The following TP53I13 variants were observed in gnomAD, a reference collection of about 807,000 sequenced individuals.
TP53I13 encodes tumor protein p53-inducible protein 13.
Under a neutral mutation model 39.1 loss-of-function variants are expected in TP53I13, and 27 were observed. The observed-to-expected ratio is 0.69, with a 90% CI of 0.51 to 0.95. TP53I13 has a LOEUF of 0.95. Ranked by LOEUF, TP53I13 falls within the 40% of genes least tolerant of loss-of-function variation. The probability of loss-of-function intolerance (pLI) is 0.00; values close to 1 mark genes in which losing one functional copy is unlikely to be tolerated. For synonymous variants in TP53I13, 230 were observed against 224.6 expected (o/e 1.02, Z -0.22); for missense variants, 544 against 520.4 (o/e 1.05, Z -0.44).
downstream of TP53I13, chr17:29,576,887 G>A (rs775458725): frequency 8.9e-6 from 14 of 1,574,986 alleles, no homozygotes; most frequent in South Asian, 4.6e-5. Flanking sequence ...TCCGAGTGGC[G>A]CCGGTGCTGC....
chr17:29,578,336 G>T, the TP53I13 span: 1 of 1,614,116 alleles, frequency 6.2e-7, no homozygotes, highest in South Asian at 1.1e-5. Context: ...CGTCATACAC[G>T]TCCATGGCGA....
At position 29,572,175 on chromosome 17, in the gene TP53I13, C is replaced by T. The variant is rs200357604; in HGVS notation, c.547C>T (p.Arg183Trp). 1.0e-4 allele frequency: 166 copies of T among 1,607,746 alleles called. No individual in the cohort carries two copies. Among genetic ancestry groups the T allele is most frequent in the Admixed American group, 2.3e-4 (14 of 59,868 alleles). Residue 183 changes from arginine (R) to tryptophan (W), a missense_variant, in exon 6 of 7, where the codon CGG becomes TGG. Transcript: ENST00000301057. ...LALAFALRSW[R>W]PPGTEVTSQG... ...TCTGGCCTTTGCTCTGCGGAGCTGG[C>T]GGCCCCCTGGCACAGAGGTGACATC...
chr17:29,575,837 C>G, downstream of TP53I13: 1 of 1,612,662 alleles, frequency 6.2e-7, no homozygotes, highest in Non-Finnish European at 8.5e-7. This position sits in a 1 kb window ranked among gnomAD's most constrained non-coding sequence, Gnocchi z 5.5. Flanking sequence ...CTCCTGGGAG[C>G]AGGACAGCAG....
downstream of TP53I13, chr17:29,577,851 CT>C (rs1296169060): frequency 1.4e-6 from 1 of 720,812 alleles, no homozygotes; most frequent in African/African-American, 1.7e-5. Context: ...CTACTGAGCA[CT>C]GGTGTTCAGA....
intron 2 of TP53I13, 43 bp downstream of exon 2, chr17:29,569,129 C>T (rs766409586): frequency 1.3e-6 from 2 of 1,553,504 alleles, no homozygotes; most frequent in East Asian, 2.4e-5. Flanking sequence ...ATGTGAAAGG[C>T]TAGCCCAGTC....
chr17:29,566,976 G>A (rs1232598490), upstream of TP53I13: 3 of 1,335,130 alleles, frequency 2.2e-6, no homozygotes, highest in African/African-American at 1.5e-5. Flanking sequence ...TGGCGAAGCT[G>A]GAGAGCCCCG....
chr17:29,571,547 G>A, intron 3 of TP53I13, 44 bp from the exon 4 acceptor site: 3 of 1,608,016 alleles, frequency 1.9e-6, no homozygotes, highest in Non-Finnish European at 2.5e-6. Flanking sequence ...GATTCTCTGG[G>A]AGGGCTCTGG....
downstream of TP53I13, chr17:29,574,346 G>A (rs1278776932): frequency 6.5e-6 from 2 of 308,882 alleles, no homozygotes; most frequent in Non-Finnish European, 1.2e-5. Context: ...TGGGGCGCAT[G>A]TACGGAGAGC....
chr17:29,576,404 C>A, downstream of TP53I13: 1 of 1,613,288 alleles, frequency 6.2e-7, no homozygotes, highest in Non-Finnish European at 8.5e-7. Context: ...GGGCACCGGC[C>A]CTGGAGGCTG....
downstream of TP53I13, chr17:29,575,243 G>A (rs1419533811): frequency 1.3e-6 from 2 of 1,579,228 alleles, no homozygotes; most frequent in African/African-American, 1.3e-5. This position sits in a 1 kb window ranked among gnomAD's most constrained non-coding sequence, Gnocchi z 5.5. Context: ...CACCCTAGAA[G>A]CCAACAGGAA....
upstream of TP53I13, chr17:29,566,709 G>GGC (rs1567758125): frequency 6.3e-7 from 1 of 1,582,286 alleles, no homozygotes; most frequent in South Asian, 1.1e-5. Context: ...AGCGCCGCAG[G>GGC]GCGCGCAGCA....
downstream of TP53I13, chr17:29,576,932 C>T: frequency 6.3e-7 from 1 of 1,591,444 alleles, no homozygotes; most frequent in Non-Finnish European, 8.5e-7. Flanking sequence ...CGTCAGAGGC[C>T]ACGCTGTCGT....
At position 29,568,925 on chromosome 17, in the gene TP53I13, G is replaced by T; in HGVS notation, c.73-93G>T. 1 of 1,595,506 alleles carries T rather than the reference G, an allele frequency of 6.3e-7. No homozygotes were observed. Among genetic ancestry groups the T allele is most frequent in the Non-Finnish European group, 8.5e-7 (1 of 1,173,334 alleles). On this transcript the variant is annotated intron_variant, in intron 1 of 6. Coordinates refer to ENST00000301057, the MANE Select transcript of TP53I13 (RefSeq NM_138349.4). This position sits in a 1 kb window ranked among gnomAD's most constrained non-coding sequence, Gnocchi z 4.5. ...GAAGGAGTGGCGCGCCGAGGGGGACGCGGAGTTCTTCCGCTGGCGGGCTGG... is the reference window on the plus strand; with the variant it reads ...GAAGGAGTGGCGCGCCGAGGGGGACTCGGAGTTCTTCCGCTGGCGGGCTGG...
At chr17:29,576,600 A>T, downstream of TP53I13, 1 of 1,614,070 alleles carries the variant, frequency 6.2e-7, no homozygotes. Flanking sequence ...CCTCCGATGT[A>T]GCCAGGGCCT....
chr17:29,571,516 C>T, intron 3 of TP53I13, 75 bp from the exon 4 acceptor site: 1 of 1,591,780 alleles, frequency 6.3e-7, no homozygotes, highest in Non-Finnish European at 8.5e-7. Context: ...TTAAACTGGT[C>T]CCCTGGATGG....
chr17:29,580,257 G>A, the TP53I13 span, among the ~76,000 whole-genome samples: 1 of 152,154 alleles, frequency 6.6e-6, no homozygotes, highest in Non-Finnish European at 1.5e-5. Flanking sequence ...GCCCATATTT[G>A]GGTGTATTTA....
the TP53I13 span, among the ~76,000 whole-genome samples, chr17:29,580,730 C>T: frequency 6.6e-6 from 1 of 152,014 alleles, no homozygotes; most frequent in Admixed American, 6.5e-5. Context: ...TGGGACAGAA[C>T]CCAGTGGCCC....
At chr17:29,577,011 G>A (rs1374344051), downstream of TP53I13, 2 of 1,604,306 alleles carry the variant, frequency 1.2e-6, no homozygotes, top group Non-Finnish European at 1.7e-6. Context: ...GGACACAGGA[G>A]TGTCACTCAG....
rs2032960882 is a variant in TP53I13 at position 29,572,122 on chromosome 17, GCT to G, written c.514-12_514-11del. Reference sequence around the variant, plus strand: ...CTCTGAGAGGGGCAGCAGGGTGATTGCTCTCTCTCCTCTCCTTAGGCCCTGGC... The same window carrying G: ...CTCTGAGAGGGGCAGCAGGGTGATTGCTCTCTCCTCTCCTTAGGCCCTGGC... On this transcript the variant is annotated intron_variant, in intron 5 of 6. Coordinates refer to ENST00000301057, the MANE Select transcript of TP53I13 (RefSeq NM_138349.4). 1 of 1,609,848 alleles carries G rather than the reference GCT, an allele frequency of 6.2e-7. No homozygotes were observed.
Sources: gnomAD v4.1 joint callset for allele counts (sites outside exome capture counted in the v4.1 genomes callset) on GRCh38, gnomAD v4.1.1 for gene constraint, Gnocchi (gnomAD v3.1) non-coding constraint, MANE v1.5 for transcripts, NCBI Gene and HGNC (gene_info 2026-07-23, HGNC 2026-07-21) for gene names.